The following TNRC18 variants were observed in gnomAD, a reference collection of about 807,000 sequenced individuals.
The protein encoded by TNRC18 is trinucleotide repeat containing 18, also known as trinucleotide repeat-containing gene 18 protein.
In TNRC18, 69 loss-of-function variants were observed where a neutral mutation model predicts 226.7. That is an observed-to-expected ratio of 0.30 (90% CI 0.25 to 0.37). The LOEUF (loss-of-function observed/expected upper bound fraction) is 0.37, where lower values mean the gene tolerates loss of function less well. Among genes scored for constraint, TNRC18 ranks in the 10% least tolerant of loss-of-function variants. The pLI is 1.00. For missense variants in TNRC18, 4,754 were observed against 4,256.6 expected (o/e 1.12, Z -3.25); for synonymous variants, 2,449 against 1,927.6 (o/e 1.27, Z -7.09).
chr7:5,375,693 C>A (rs1794598799), intron 9 of TNRC18, among the ~76,000 whole-genome samples: 1 of 152,186 alleles, frequency 6.6e-6, no homozygotes, highest in African/African-American at 2.4e-5. Flanking sequence ...AGGCTGGGCT[C>A]AGGCAACAGC....
intron 2 of TNRC18, among the ~76,000 whole-genome samples, chr7:5,403,136 A>T (rs1781223864): frequency 6.6e-6 from 1 of 150,866 alleles, no homozygotes; most frequent in Non-Finnish European, 1.5e-5. Flanking sequence ...ACAGCCCTTC[A>T]TAACCAAACA....
chr7:5,406,069 A>C (rs915828042), intron 2 of TNRC18, among the ~76,000 whole-genome samples: 4 of 152,198 alleles, frequency 2.6e-5, no homozygotes, highest in Admixed American at 6.6e-5. Context: ...AGCCAGTGGA[A>C]TATTATTCAG....
chr7:5,420,289 C>T (rs115815937), intron 2 of TNRC18: 11,633 of 429,744 alleles, frequency 0.027, 368 homozygotes, highest in Admixed American at 0.083. Context: ...GGGTTTTCCC[C>T]TCCGCCGCCT....
rs1782472687 is a variant in TNRC18, at chr7:5,420,294, C to T, written c.187+766G>A. On this transcript the variant is annotated intron_variant, in intron 2 of 29. Coordinates refer to ENST00000430969, the MANE Select transcript of TNRC18 (RefSeq NM_001080495.3). The stretch of plus-strand genomic sequence containing the variant: ...GTGAGACCCAGGGTTTTCCCCTCCG[C>T]CGCCTGGGCCCTGCCCGACCCGCTC... 3 of 432,428 alleles carry T rather than the reference C, an allele frequency of 6.9e-6. No individual in the cohort carries two copies. In the Middle Eastern group the frequency reaches 1.0e-3, roughly 147 times the overall value. 26.8% of individuals were successfully genotyped at this position (432,428 alleles called of 1,614,324 possible).
At chr7:5,368,937 C>T (rs1257125583) in intron 11 of TNRC18, among the ~76,000 whole-genome samples, 2 of 152,076 alleles carry the variant, frequency 1.3e-5, no homozygotes, top group Non-Finnish European at 2.9e-5. Flanking sequence ...GCATCCCATT[C>T]TCTTTGAGAA....
In TNRC18 at chr7:5,370,549, C is replaced by T; in HGVS notation, c.4045G>A (p.Ala1349Thr). The change falls in exon 11 of 30, where the codon GCG becomes ACG. Residue 1349 changes from alanine (A) to threonine (T), a missense_variant. By Grantham distance (58) the Ala-to-Thr change is moderately conservative (BLOSUM62 0). Transcript: ENST00000430969. ...AGAGGCCTGGCCTGGGGCAGCTCCG[C>T]AGCTGCCGCCAGGGCGTTCATGCCA... ...LAGMNALAAAAELPQARPLPS... is the reference protein window; with the variant it reads ...LAGMNALAAATELPQARPLPS... 6.2e-7 allele frequency: 1 copy of T among 1,608,368 alleles called. No homozygotes were observed. Among genetic ancestry groups the T allele is most frequent in the Non-Finnish European group, 8.5e-7 (1 of 1,177,700 alleles).
intron 2 of TNRC18, among the ~76,000 whole-genome samples, chr7:5,419,293 C>G (rs913704010): frequency 2.0e-5 from 3 of 152,254 alleles, no homozygotes; most frequent in Non-Finnish European, 2.9e-5. Context: ...TTTGCCTTGC[C>G]AGGCCGGAGC....
chr7:5,412,599 A>T (rs1781917031), intron 2 of TNRC18, among the ~76,000 whole-genome samples: 1 of 151,868 alleles, frequency 6.6e-6, no homozygotes, highest in Non-Finnish European at 1.5e-5. Flanking sequence ...AAAATAAAAT[A>T]AAAATAAAAA....
intron 19 of TNRC18, among the ~76,000 whole-genome samples, chr7:5,330,343 C>A (rs1452082619): frequency 1.3e-5 from 2 of 152,088 alleles, no homozygotes; most frequent in Non-Finnish European, 2.9e-5. Flanking sequence ...AATCCCCCTG[C>A]CCCAGCTTCC....
At chr7:5,339,338 C>G (rs937558059) in intron 18 of TNRC18, among the ~76,000 whole-genome samples, 15 of 151,214 alleles carry the variant, frequency 9.9e-5, no homozygotes, top group African/African-American at 3.4e-4. Flanking sequence ...CTCCCAGGCT[C>G]AAGCGATTCT....
At chr7:5,318,691 A>C (rs1367346717) in intron 24 of TNRC18, among the ~76,000 whole-genome samples, 1 of 152,186 alleles carries the variant, frequency 6.6e-6, no homozygotes, top group African/African-American at 2.4e-5. Context: ...GGTCTCCTAC[A>C]ATGATTTTGG....
Position 5,370,736 on chromosome 7 carries a change from C to G in TNRC18, c.3858G>C (p.Glu1286Asp), listed in dbSNP as rs775172821. 2.5e-6 allele frequency: 4 copies of G among 1,605,738 alleles called. No homozygotes were observed. The Admixed American group carries it at 6.8e-5, about 27-fold the overall frequency. ...EEGLAQVAPS[E>D]SQPTLEMSDC... is the part of the protein sequence containing the mutation. Reference sequence around the variant, plus strand: ...CTGACATTTCTAGGGTGGGCTGGGACTCGCTCGGTGCCACCTGCGCCAGGC... The same window carrying G: ...CTGACATTTCTAGGGTGGGCTGGGAGTCGCTCGGTGCCACCTGCGCCAGGC... The change falls in exon 11 of 30, where the codon GAG becomes GAC. Residue 1286 changes from glutamate to aspartate, a missense_variant. By Grantham distance (45) the Glu-to-Asp change is conservative (BLOSUM62 2). Coordinates refer to ENST00000430969, the MANE Select transcript of TNRC18 (RefSeq NM_001080495.3).
intron 18 of TNRC18, among the ~76,000 whole-genome samples, chr7:5,337,481 C>CAAA (rs35118676): frequency 1.1e-3 from 153 of 140,810 alleles, no homozygotes; most frequent in Middle Eastern, 3.5e-3. Flanking sequence ...GAGACTGTTT[C>CAAA]AAAAAAAAAA....
chr7:5,374,436 C>G lies in TNRC18; in HGVS notation c.2848G>C (p.Gly950Arg). ...QEHRAEMEEK[G>R]SKRGLEAAGK... The stretch of plus-strand genomic sequence containing the variant: ...GCAGCCTCCAGGCCCCGCTTGCTCC[C>G]CTTCTCTTCCATCTCCGCCCGGTGC... The change falls in exon 10 of 30, where the codon GGG becomes CGG. Residue 950 changes from glycine to arginine, a missense_variant. Coordinates refer to ENST00000430969, the MANE Select transcript of TNRC18 (RefSeq NM_001080495.3). 6.5e-7 allele frequency: 1 copy of G among 1,545,714 alleles called. No homozygotes were observed. The highest frequency in any genetic ancestry group is 8.7e-7 in the Non-Finnish European group (1 of 1,145,182).
chr7:5,359,016 T>C (rs1583902820), intron 15 of TNRC18, among the ~76,000 whole-genome samples: 1 of 152,246 alleles, frequency 6.6e-6, no homozygotes, highest in East Asian at 1.9e-4. Flanking sequence ...CAAGCCCTTG[T>C]TTCTTAGAAC....
At chr7:5,338,557 T>G (rs1454855844) in intron 18 of TNRC18, among the ~76,000 whole-genome samples, 2 of 137,044 alleles carry the variant, frequency 1.5e-5, no homozygotes, top group African/African-American at 5.6e-5. Context: ...GGGCAACAGG[T>G]AGAGGTTGCA....
chr7:5,341,076 T>A (rs572890298), intron 18 of TNRC18, among the ~76,000 whole-genome samples: 1 of 151,420 alleles, frequency 6.6e-6, no homozygotes, highest in African/African-American at 2.4e-5. Flanking sequence ...AACCCCAGGG[T>A]CCTTAAGAAT....
At chr7:5,346,285 C>T (rs752346855) in intron 17 of TNRC18, among the ~76,000 whole-genome samples, 3 of 152,248 alleles carry the variant, frequency 2.0e-5, no homozygotes, top group Middle Eastern at 3.4e-3. Flanking sequence ...GTGGCAGCTT[C>T]GCCAGCTGAG....
At chr7:5,321,843 T>C (rs1788397639) in intron 21 of TNRC18, among the ~76,000 whole-genome samples, 3 of 151,834 alleles carry the variant, frequency 2.0e-5, no homozygotes, top group East Asian at 3.9e-4. Context: ...GGCTAATTTT[T>C]GTATTTTTAG....
Sources: allele counts gnomAD v4.1 joint callset (sites outside exome capture counted in the v4.1 genomes callset), GRCh38; gene constraint gnomAD v4.1.1; transcripts MANE v1.5; gene names NCBI Gene and HGNC (gene_info 2026-07-23, HGNC 2026-07-21).